GTF2H3: variants seen among roughly 807,000 people sequenced by gnomAD.
GTF2H3 encodes TFIIH basal transcription factor complex p34 subunit.
A neutral mutation model predicts 51.1 loss-of-function variants in GTF2H3; 42 were observed. The observed-to-expected ratio is 0.82, with a 90% CI of 0.64 to 1.06. The LOEUF is 1.06. GTF2H3 is among the 50% of genes least tolerant of loss of function. The pLI is 0.00. For missense variants in GTF2H3, 326 were observed against 366.1 expected (o/e 0.89, Z 0.89); for synonymous variants, 123 against 123.8 (o/e 0.99, Z 0.04).
At position 123,660,251 on chromosome 12, in the gene GTF2H3, C is replaced by T. The variant is rs1163495334; in HGVS notation, c.*16C>T. On this transcript the variant is annotated 3_prime_UTR_variant, in exon 13 of 13. Transcript: ENST00000543341. ...GTCTGCCTGAGGATAAAATATTTTC[C>T]CCATCTTTTAGAGCTGTTAATAGAA... 1 of 1,583,794 alleles carries T rather than the reference C, an allele frequency of 6.3e-7. No individual in the cohort carries two copies. Among genetic ancestry groups the T allele is most frequent in the Admixed American group, 1.8e-5 (1 of 56,874 alleles).
chr12:123,641,527 G>GTTTTTTTTTTTTTTTTT (rs112546170), intron 2 of GTF2H3, among the ~76,000 whole-genome samples: 1 of 128,548 alleles, frequency 7.8e-6, no homozygotes, highest in African/African-American at 3.4e-5. Flanking sequence ...GTCTGCCCCC[G>GTTTTTTTTTTTTTTTTT]TTTTTTTTTT....
At position 123,638,921 on chromosome 12, in the gene GTF2H3, G is replaced by A. The variant is rs181043921; in HGVS notation, c.14-343G>A. Reference sequence around the variant, plus strand: ...CGCCATTCTCCTGGCTCAGCCTCCCGAGTAGCTGGGACTACAGGCGCCCAC... The same window carrying A: ...CGCCATTCTCCTGGCTCAGCCTCCCAAGTAGCTGGGACTACAGGCGCCCAC... On this transcript the variant is annotated intron_variant, in intron 1 of 12. Transcript: ENST00000543341. Among the ~76,000 whole-genome samples the A allele has an allele frequency of 8.3e-4, 123 of 148,664 alleles. 1 individual carries two copies. In the East Asian group the frequency reaches 0.013, roughly 16 times the overall value.
At chr12:123,639,136 T>C in intron 1 of GTF2H3, 128 bp from the exon 2 acceptor site, 1 of 596,270 alleles carries the variant, frequency 1.7e-6, no homozygotes, top group Non-Finnish European at 3.0e-6. Flanking sequence ...AATCTCATAA[T>C]TATAAGGTGA....
At chr12:123,647,131 C>A (rs1177557133) in intron 3 of GTF2H3, among the ~76,000 whole-genome samples, 16 of 130,848 alleles carry the variant, frequency 1.2e-4, no homozygotes, top group Non-Finnish European at 1.9e-4. Flanking sequence ...GCAGCCTGGG[C>A]GACAGAGCAA....
At position 123,662,536 on chromosome 12, in the gene GTF2H3, C is replaced by G. The variant is rs998761079; in HGVS notation, c.*2301C>G. 6.6e-6 allele frequency: 1 copy of G among 152,030 alleles called. No individual in the cohort carries two copies. The highest frequency in any genetic ancestry group is 1.5e-5 in the Non-Finnish European group (1 of 67,998). The allele number at this position is 152,030 out of a possible 1,614,324, so 9.4% of individuals were successfully genotyped here. On this transcript the variant is annotated 3_prime_UTR_variant, in exon 13 of 13. Coordinates refer to ENST00000543341, the MANE Select transcript of GTF2H3 (RefSeq NM_001516.5). ...TATATATTTGGTTAGTTCTGTTTAA[C>G]TTGTTTTTAACTGTTGCCCTTATGA...
At chr12:123,636,546 TGGGA>T (rs1165875028) in intron 1 of GTF2H3, among the ~76,000 whole-genome samples, 1 of 152,034 alleles carries the variant, frequency 6.6e-6, no homozygotes, top group Non-Finnish European at 1.5e-5. Flanking sequence ...GAGGCTGAGG[TGGGA>T]GGATCACTTG....
chr12:123,651,080 TAGA>T (rs1295057512), intron 5 of GTF2H3, 24 bp downstream of exon 5: 3 of 1,558,368 alleles, frequency 1.9e-6, no homozygotes, highest in Non-Finnish European at 2.7e-6. Context: ...CTGAATCATT[TAGA>T]AGGTGTCTTC....
At chr12:123,637,770 TG>T (rs112368099) in intron 1 of GTF2H3, among the ~76,000 whole-genome samples, 7,300 of 152,228 alleles carry the variant, frequency 0.048, 303 homozygotes, top group African/African-American at 0.11. Context: ...CCCAAAGGGC[TG>T]GGATGGGCGC....
At chr12:123,655,562 T>C in intron 8 of GTF2H3, 3 of 478,812 alleles carry the variant, frequency 6.3e-6, no homozygotes, top group Non-Finnish European at 1.1e-5. Context: ...CCGAGTGGGG[T>C]GACAGCTTTC....
At chr12:123,646,693 G>A (rs1212500579) in intron 3 of GTF2H3, among the ~76,000 whole-genome samples, 1 of 152,080 alleles carries the variant, frequency 6.6e-6, no homozygotes, top group Non-Finnish European at 1.5e-5. Context: ...GAGCCCATGG[G>A]CCACCAAACA....
Position 123,647,975 on chromosome 12 carries a change from T to A in GTF2H3, c.213T>A (p.Tyr71Ter). 1.9e-6 allele frequency: 3 copies of A among 1,613,598 alleles called. No homozygotes were observed. The highest frequency in any genetic ancestry group is 2.5e-6 in the Non-Finnish European group (3 of 1,179,788). The change falls in exon 4 of 13, where the codon TAT becomes TAA. Residue 71 changes from tyrosine to a stop codon, truncating the protein, a stop_gained. Coordinates refer to ENST00000543341, the MANE Select transcript of GTF2H3 (RefSeq NM_001516.5). LOFTEE classifies it high-confidence loss of function. ...ASHIQESRFL[Y>*]PGKNGRLGDF... Reference sequence around the variant, plus strand: ...CCTGCTGTTTCAGCCGATTCTTATATCCTGGAAAGAATGGCAGACTTGGAG... The same window carrying A: ...CCTGCTGTTTCAGCCGATTCTTATAACCTGGAAAGAATGGCAGACTTGGAG...
At chr12:123,647,149 TCTC>T in intron 3 of GTF2H3, among the ~76,000 whole-genome samples, 1 of 122,966 alleles carries the variant, frequency 8.1e-6, no homozygotes. Context: ...CAAGACCCTG[TCTC>T]AAAAAAAAAA....
chr12:123,652,077 C>T (rs181869242), intron 5 of GTF2H3, among the ~76,000 whole-genome samples: 4 of 152,144 alleles, frequency 2.6e-5, no homozygotes, highest in Admixed American at 6.5e-5. Flanking sequence ...CATAGGTGAA[C>T]GGGTTGTTTT....
At chr12:123,637,875 T>C (rs189133924) in intron 1 of GTF2H3, among the ~76,000 whole-genome samples, 347 of 152,346 alleles carry the variant, frequency 2.3e-3, no homozygotes, top group African/African-American at 7.6e-3. Context: ...AATTGACAGC[T>C]ACGCCTCCCT....
intron 9 of GTF2H3, among the ~76,000 whole-genome samples, chr12:123,656,387 C>CA (rs1955587633): frequency 1.3e-5 from 2 of 152,070 alleles, no homozygotes; most frequent in Admixed American, 1.3e-4. Context: ...AGTAAAAATT[C>CA]AAAAAGTTTG....
chr12:123,656,600 A>G (rs922415668), intron 9 of GTF2H3, among the ~76,000 whole-genome samples: 2 of 152,214 alleles, frequency 1.3e-5, no homozygotes, highest in East Asian at 1.9e-4. Context: ...TCTGGCAGGC[A>G]TCTTCAGTGT....
At position 123,650,908 on chromosome 12, in the gene GTF2H3, G is replaced by A. The variant is rs1368693239; in HGVS notation, c.365-86G>A. The A allele has an allele frequency of 3.8e-6, 3 of 798,430 alleles. No homozygotes were observed. In the East Asian group the frequency reaches 7.8e-5, roughly 21 times the overall value. 49.5% of individuals were successfully genotyped at this position (798,430 alleles called of 1,614,324 possible). The stretch of plus-strand genomic sequence containing the variant: ...TTATGAAGAATGCTTTGGTGTGAAA[G>A]CATACTTAGTTCAATAAAGCACCCA... On this transcript the variant is annotated intron_variant, in intron 4 of 12. Coordinates refer to ENST00000543341, the MANE Select transcript of GTF2H3 (RefSeq NM_001516.5).
chr12:123,638,163 A>AT (rs1210442334), intron 1 of GTF2H3, among the ~76,000 whole-genome samples: 24 of 143,170 alleles, frequency 1.7e-4, no homozygotes, highest in Middle Eastern at 4.1e-3. Context: ...ATGCCCGGCT[A>AT]TTTTTTTTTC....
rs961210842 is a variant in GTF2H3, at chr12:123,648,103, A to G, written c.341A>G (p.Glu114Gly). ...TCAGCAAATGAAGTTATTGTTGAAG[A>G]GATTAAAGATCTAATGACCAAAAGT... ...LTSANEVIVE[E>G]IKDLMTKSDI... is the part of the protein sequence containing the mutation. Residue 114 changes from glutamate to glycine, a missense_variant, in exon 4 of 13, where the codon GAG (glutamate) becomes GGG (glycine). Coordinates refer to ENST00000543341, the MANE Select transcript of GTF2H3 (RefSeq NM_001516.5). 8.7e-6 allele frequency: 14 copies of G among 1,606,412 alleles called. No homozygotes were observed. Among genetic ancestry groups the G allele is most frequent in the Admixed American group, 1.7e-5 (1 of 58,736 alleles).
Sources: allele counts gnomAD v4.1 joint callset (sites outside exome capture counted in the v4.1 genomes callset), GRCh38; gene constraint gnomAD v4.1.1; transcripts MANE v1.5; gene names NCBI Gene and HGNC (gene_info 2026-07-23, HGNC 2026-07-21).